FAT3: variants seen among roughly 807,000 people sequenced by gnomAD.
FAT3 encodes the protein FAT atypical cadherin 3.
Under a neutral mutation model 310.2 loss-of-function variants are expected in FAT3, and 95 were observed. The observed-to-expected ratio is 0.31, with a 90% CI of 0.26 to 0.36. The LOEUF (loss-of-function observed/expected upper bound fraction) is 0.36, where lower values mean the gene tolerates loss of function less well. FAT3 is among the 10% of genes least tolerant of loss of function. FAT3 has a pLI of 1.00. For synonymous variants in FAT3, 2,314 were observed against 2,192.9 expected, an observed-to-expected ratio of 1.06 and a Z score of -1.54; for missense variants, 5,408 against 5,715.6, an observed-to-expected ratio of 0.95 and a Z score of 1.74.
In FAT3 at chr11:92,660,104, T is replaced by C. The variant is rs571181220; in HGVS notation, c.3608-37280T>C. Among the ~76,000 whole-genome samples the C allele has an allele frequency of 1.2e-4, 18 of 152,262 alleles. 1 individual carries two copies. The highest frequency in any genetic ancestry group is 1.0e-3 in the South Asian group (5 of 4,820). ...ACACCACTTAGTATTCTTTTTTTTTTCTTAAGCTAGTGAACTAGCAAGAGT... is the reference window on the plus strand; with the variant it reads ...ACACCACTTAGTATTCTTTTTTTTTCCTTAAGCTAGTGAACTAGCAAGAGT... On this transcript the variant is annotated intron_variant, in intron 3 of 27. Transcript: ENST00000525166.
intron 13 of FAT3, among the ~76,000 whole-genome samples, chr11:92,817,671 A>G (rs1262000587): frequency 6.6e-6 from 1 of 152,246 alleles, no homozygotes; most frequent in Non-Finnish European, 1.5e-5. Flanking sequence ...GAGGAAGTAC[A>G]GGGCTGGCCC....
rs1948639120 is a variant in FAT3 at position 92,353,739 on chromosome 11, T to C, written c.1627T>C (p.Tyr543His). The change falls in exon 2 of 28, where the codon TAC becomes CAC. Residue 543 changes from tyrosine to histidine, a missense_variant. By Grantham distance (83) the Tyr-to-His change is moderately conservative. Coordinates refer to ENST00000525166, the MANE Select transcript of FAT3 (RefSeq NM_001367949.2). ...ELDFESSPEIYRFIVRASDWG... is the reference protein window; with the variant it reads ...ELDFESSPEIHRFIVRASDWG... ...GGATTTTGAATCCTCCCCAGAAATTTACAGATTCATTGTTAGAGCCTCTGA... is the reference window on the plus strand; with the variant it reads ...GGATTTTGAATCCTCCCCAGAAATTCACAGATTCATTGTTAGAGCCTCTGA... 2 of 1,613,888 alleles carry C rather than the reference T, an allele frequency of 1.2e-6. No homozygotes were observed. The highest frequency in any genetic ancestry group is 1.7e-6 in the Non-Finnish European group (2 of 1,179,852).
At chr11:92,386,011 G>A (rs1035755581) in intron 2 of FAT3, among the ~76,000 whole-genome samples, 1 of 152,026 alleles carries the variant, frequency 6.6e-6, no homozygotes, top group Non-Finnish European at 1.5e-5. Context: ...AGCTAGGCAT[G>A]GTGGTATGTG....
chr11:92,846,624 A>G (rs909711385), intron 19 of FAT3, among the ~76,000 whole-genome samples: 12 of 152,226 alleles, frequency 7.9e-5, no homozygotes, highest in Non-Finnish European at 1.0e-4. Context: ...TTGATTTTAC[A>G]TAAGACACTA....
chr11:92,407,135 A>G (rs1244572433), intron 2 of FAT3, among the ~76,000 whole-genome samples: 3 of 152,220 alleles, frequency 2.0e-5, no homozygotes, highest in African/African-American at 7.2e-5. Flanking sequence ...TGATTTTATT[A>G]GATAGGAAAA....
intron 2 of FAT3, among the ~76,000 whole-genome samples, chr11:92,447,185 A>G (rs964078629): frequency 6.6e-5 from 10 of 150,982 alleles, no homozygotes; most frequent in African/African-American, 1.2e-4. Flanking sequence ...ATGTGTGTGT[A>G]TATGTGTGTT....
intron 3 of FAT3, among the ~76,000 whole-genome samples, chr11:92,535,173 C>T (rs685307): frequency 0.41 from 62,967 of 151,914 alleles, 13,419 homozygotes; most frequent in Middle Eastern, 0.55. Flanking sequence ...AGGTGCTGTA[C>T]TTGAGGTTAT....
intron 2 of FAT3, among the ~76,000 whole-genome samples, chr11:92,374,904 G>A (rs1949300662): frequency 6.6e-6 from 1 of 151,836 alleles, no homozygotes; most frequent in African/African-American, 2.4e-5. Flanking sequence ...GAACTGAAGA[G>A]CTGCTGTGTC....
chr11:92,411,136 T>C (rs1015143492), intron 2 of FAT3, among the ~76,000 whole-genome samples: 8 of 106,228 alleles, frequency 7.5e-5, no homozygotes, highest in Non-Finnish European at 1.3e-4. Flanking sequence ...ATATTATATA[T>C]TATATATATA....
chr11:92,623,064 C>T (rs1941159106), intron 3 of FAT3, among the ~76,000 whole-genome samples: 3 of 152,278 alleles, frequency 2.0e-5, no homozygotes, highest in Middle Eastern at 6.8e-3. Flanking sequence ...GTCTTTTACC[C>T]TCTGCTCTTG....
intron 12 of FAT3, among the ~76,000 whole-genome samples, chr11:92,808,313 T>C (rs1266971165): frequency 6.6e-6 from 1 of 152,094 alleles, no homozygotes; most frequent in African/African-American, 2.4e-5. Flanking sequence ...CAGATGAAGA[T>C]GTAACTAATA....
chr11:92,451,663 A>C (rs1385395601), intron 2 of FAT3, among the ~76,000 whole-genome samples: 1 of 152,296 alleles, frequency 6.6e-6, no homozygotes, highest in Non-Finnish European at 1.5e-5. Context: ...AGTAATGCAC[A>C]TTCCCTTTAT....
chr11:92,772,603 A>G (rs550929848), intron 6 of FAT3, among the ~76,000 whole-genome samples: 1 of 152,242 alleles, frequency 6.6e-6, no homozygotes, highest in East Asian at 1.9e-4. Context: ...TTGGAAGATG[A>G]GTCTCTTTTT....
chr11:92,738,230 T>G (rs1945407272), intron 4 of FAT3, among the ~76,000 whole-genome samples: 1 of 152,152 alleles, frequency 6.6e-6, no homozygotes, highest in African/African-American at 2.4e-5. Flanking sequence ...AATCACCTTA[T>G]GAGAAGAGAA....
In FAT3 at chr11:92,231,915, A is replaced by G. The variant is rs117832494; in HGVS notation, c.-18+6741A>G. On this transcript the variant is annotated intron_variant, in intron 1 of 27. Coordinates refer to ENST00000525166, the MANE Select transcript of FAT3 (RefSeq NM_001367949.2). ...ATCAGCTTGGTCTTTTTTGAAACCT[A>G]GAGCATTTATCACACATGACATTTT... is the stretch of plus-strand genomic sequence containing the variant. 9.0e-3 allele frequency among the ~76,000 whole-genome samples: 1,368 copies of G among 152,172 alleles called. 10 individuals carry two copies. Among genetic ancestry groups the G allele is most frequent in the Non-Finnish European group, 0.014 (972 of 68,000 alleles).
chr11:92,521,924 G>A (rs72974407), intron 2 of FAT3, among the ~76,000 whole-genome samples: 3 of 152,100 alleles, frequency 2.0e-5, no homozygotes, highest in Non-Finnish European at 2.9e-5. Flanking sequence ...TGGCTGTTGG[G>A]TATGCATTTA....
chr11:92,573,064 T>C (rs1938267095), intron 3 of FAT3, among the ~76,000 whole-genome samples: 1 of 152,184 alleles, frequency 6.6e-6, no homozygotes, highest in Admixed American at 6.5e-5. Flanking sequence ...TTTCTCCACT[T>C]TCCCTGCAAC....
intron 1 of FAT3, among the ~76,000 whole-genome samples, chr11:92,315,453 A>ATG (rs1947414499): frequency 1.5e-5 from 2 of 133,252 alleles, no homozygotes; most frequent in Admixed American, 7.7e-5. Flanking sequence ...GTGTGTATAT[A>ATG]TATGTGTGTG....
chr11:92,663,297 AG>A (rs1237803253), intron 3 of FAT3, among the ~76,000 whole-genome samples: 1 of 152,178 alleles, frequency 6.6e-6, no homozygotes, highest in Admixed American at 6.5e-5. Flanking sequence ...GAAGGAGTTA[AG>A]GGTGGGAGAA....
Sources: gnomAD v4.1 joint callset for allele counts (sites outside exome capture counted in the v4.1 genomes callset) on GRCh38, gnomAD v4.1.1 for gene constraint, MANE v1.5 for transcripts, NCBI Gene and HGNC (gene_info 2026-07-23, HGNC 2026-07-21) for gene names.